CCDC181: variants seen among roughly 807,000 people sequenced by gnomAD.
CCDC181 encodes the protein coiled-coil domain containing 181, also known as coiled-coil domain-containing protein 181.
Under a neutral mutation model 58.7 loss-of-function variants are expected in CCDC181, and 35 were observed. That is an observed-to-expected ratio of 0.60 (90% CI 0.46 to 0.79). The LOEUF is 0.79. Among genes scored for constraint, CCDC181 ranks in the 30% least tolerant of loss-of-function variants. CCDC181 has a pLI of 0.00. For synonymous variants in CCDC181, 183 were observed against 197.5 expected (o/e 0.93, Z 0.62); for missense variants, 517 against 583.9 (o/e 0.89, Z 1.18).
rs140917516 is a variant in CCDC181, at chr1:169,433,290, T to C, written c.-23-8340A>G. 1.1e-3 allele frequency among the ~76,000 whole-genome samples: 160 copies of C among 152,098 alleles called. 1 individual carries two copies. In the East Asian group the frequency reaches 0.026, roughly 24 times the overall value. On this transcript the variant is annotated intron_variant, in intron 2 of 6. Coordinates refer to the CCDC181 transcript ENST00000545005. ...CTAAATGGATGAAAGATGCATACAA[T>C]GTAAACCATAAAACAGACAAATGGA... is the stretch of plus-strand genomic sequence containing the variant.
At chr1:169,414,984 T>C (rs968033628) in intron 4 of CCDC181, among the ~76,000 whole-genome samples, 11 of 152,158 alleles carry the variant, frequency 7.2e-5, no homozygotes, top group African/African-American at 2.7e-4. Flanking sequence ...ATACTACATA[T>C]TCAAAATAAA....
At chr1:169,443,628 C>T (rs1393383218) in intron 2 of CCDC181, among the ~76,000 whole-genome samples, 1 of 152,080 alleles carries the variant, frequency 6.6e-6, no homozygotes, top group Non-Finnish European at 1.5e-5. Flanking sequence ...ATAGTTTTAG[C>T]TTTTCTCAGT....
chr1:169,424,787 A>C, intron 2 of CCDC181, 24 bp downstream of exon 2: 1 of 1,192,344 alleles, frequency 8.4e-7, no homozygotes, highest in Non-Finnish European at 1.2e-6. Context: ...TATAATTATT[A>C]TGAATGCTGT....
At chr1:169,436,990 A>AT (rs771611463) in intron 2 of CCDC181, among the ~76,000 whole-genome samples, 52 of 147,744 alleles carry the variant, frequency 3.5e-4, no homozygotes, top group South Asian at 8.6e-4. Context: ...CAGAGCTGAC[A>AT]TTTTTTTTTT....
intron 4 of CCDC181, among the ~76,000 whole-genome samples, chr1:169,397,937 G>C (rs1404181047): frequency 6.6e-6 from 1 of 152,132 alleles, no homozygotes; most frequent in Non-Finnish European, 1.5e-5. Flanking sequence ...TATAAGCTTT[G>C]TGATTGAGCT....
chr1:169,418,608 A>G (rs2102083317), intron 4 of CCDC181, among the ~76,000 whole-genome samples: 1 of 151,072 alleles, frequency 6.6e-6, no homozygotes, highest in East Asian at 1.9e-4. Context: ...TAGTTTTTTT[A>G]ATTCTTTTAA....
chr1:169,430,763 C>T (rs1341635069), upstream of CCDC181, among the ~76,000 whole-genome samples: 1 of 152,056 alleles, frequency 6.6e-6, no homozygotes, highest in Non-Finnish European at 1.5e-5. Flanking sequence ...AATGTGGCAA[C>T]AGGCATGAGC....
At chr1:169,417,692 C>T (rs1423613866) in intron 4 of CCDC181, among the ~76,000 whole-genome samples, 1 of 151,956 alleles carries the variant, frequency 6.6e-6, no homozygotes, top group Non-Finnish European at 1.5e-5. Flanking sequence ...TTTCTGGCAG[C>T]CAGCACCTAA....
At chr1:169,397,732 G>A (rs921317774) in intron 4 of CCDC181, among the ~76,000 whole-genome samples, 29 of 152,168 alleles carry the variant, frequency 1.9e-4, no homozygotes, top group Admixed American at 4.6e-4. Context: ...GGCTTATTTC[G>A]TGGTCCCTCA....
chr1:169,410,481 G>A (rs762684225), intron 4 of CCDC181, among the ~76,000 whole-genome samples: 5 of 151,954 alleles, frequency 3.3e-5, no homozygotes, highest in East Asian at 1.9e-4. Flanking sequence ...TAGACAGATC[G>A]ACAAGACAGA....
At chr1:169,444,641 C>T (rs773419825) in intron 2 of CCDC181, among the ~76,000 whole-genome samples, 2 of 152,094 alleles carry the variant, frequency 1.3e-5, no homozygotes, top group Non-Finnish European at 2.9e-5. Flanking sequence ...AATTTGAATT[C>T]TTCCAAATAT....
At chr1:169,411,441 C>G (rs1416371401) in intron 4 of CCDC181, among the ~76,000 whole-genome samples, 1 of 152,152 alleles carries the variant, frequency 6.6e-6, no homozygotes. Context: ...AGATTCACAG[C>G]TGAATTCTAT....
At position 169,421,640 on chromosome 1, in the gene CCDC181, A is replaced by G. The variant is rs1656467448; in HGVS notation, c.791T>C (p.Val264Ala). ...QLLPRSSNSS[V>A]SGTKKEDSTA... ...AGAATCTTCTTTCTTGGTGCCACTG[A>G]CAGAGGAGTTGGAAGATCTGGGTAA... is the stretch of plus-strand genomic sequence containing the variant. The change falls in exon 3 of 6, where the codon GTC becomes GCC. Residue 264 changes from valine to alanine, a missense_variant. By Grantham distance (64) the Val-to-Ala change is moderately conservative. Coordinates refer to ENST00000367806, the MANE Select transcript of CCDC181 (RefSeq NM_001300969.2). 1.9e-6 allele frequency: 3 copies of G among 1,614,012 alleles called. No individual in the cohort carries two copies. Among genetic ancestry groups the G allele is most frequent in the Non-Finnish European group, 1.7e-6 (2 of 1,180,022 alleles).
chr1:169,460,422 G>A (rs1390036705), exon 1 of CCDC181: 1 of 152,370 alleles, frequency 6.6e-6, no homozygotes, highest in Non-Finnish European at 1.5e-5. Context: ...AAAAACTCGG[G>A]TGGAAAGACC....
intron 4 of CCDC181, among the ~76,000 whole-genome samples, chr1:169,417,694 A>G (rs1325454119): frequency 6.6e-6 from 1 of 152,154 alleles, no homozygotes; most frequent in Non-Finnish European, 1.5e-5. Flanking sequence ...TCTGGCAGCC[A>G]GCACCTAACC....
intron 2 of CCDC181, among the ~76,000 whole-genome samples, chr1:169,441,159 A>G (rs1657218695): frequency 6.6e-6 from 1 of 152,092 alleles, no homozygotes; most frequent in South Asian, 2.1e-4. Context: ...ATTTCTGTAC[A>G]CTTAGTAGTA....
Position 169,394,950 on chromosome 1 carries a change from T to C in CCDC181, c.*97A>G, listed in dbSNP as rs1654927575. On this transcript the variant is annotated 3_prime_UTR_variant, in exon 6 of 6. Transcript: ENST00000367806. Reference sequence around the variant, plus strand: ...ACTGTCAATAAAAGATAAATACCATTTCCATAATTTAGAATACAACCAAAG... The same window carrying C: ...ACTGTCAATAAAAGATAAATACCATCTCCATAATTTAGAATACAACCAAAG... 9.2e-7 allele frequency: 1 copy of C among 1,090,628 alleles called. No individual in the cohort carries two copies. The highest frequency in any genetic ancestry group is 2.9e-5 in the Admixed American group (1 of 34,294). The allele number at this position is 1,090,628 out of a possible 1,614,324, so 67.6% of individuals were successfully genotyped here.
intron 1 of CCDC181, among the ~76,000 whole-genome samples, chr1:169,426,646 C>T (rs915972936): frequency 3.3e-5 from 5 of 152,174 alleles, no homozygotes; most frequent in Admixed American, 6.5e-5. Context: ...TGGGTCCCAT[C>T]TTACAGCGTT....
At position 169,397,367 on chromosome 1, in the gene CCDC181, C is replaced by T; in HGVS notation, c.1240G>A (p.Ala414Thr). The T allele has an allele frequency of 2.5e-6, 4 of 1,607,978 alleles. No homozygotes were observed. The highest frequency in any genetic ancestry group is 3.4e-6 in the Non-Finnish European group (4 of 1,177,396). The stretch of plus-strand genomic sequence containing the variant: ...TTTTTTTTAAGCCATAATCGAAAAG[C>T]TTGTTGTGGATCTCTGTTTTCCTGC... ...SRQENRDPQQAFRLWLKKKHE... is the reference protein window; with the variant it reads ...SRQENRDPQQTFRLWLKKKHE... The change falls in exon 5 of 6, where the codon GCT (alanine) becomes ACT (threonine). Residue 414 changes from alanine (A) to threonine (T), a missense_variant. Coordinates refer to ENST00000367806, the MANE Select transcript of CCDC181 (RefSeq NM_001300969.2).
Sources: gnomAD v4.1 joint callset for allele counts (sites outside exome capture counted in the v4.1 genomes callset) on GRCh38, gnomAD v4.1.1 for gene constraint, MANE v1.5 for transcripts, NCBI Gene and HGNC (gene_info 2026-07-23, HGNC 2026-07-21) for gene names.